DDX46: variants seen among roughly 807,000 people sequenced by gnomAD.
DDX46 encodes DEAD-box helicase 46.
Under a neutral mutation model 134.9 loss-of-function variants are expected in DDX46, and 30 were observed. The ratio of observed to expected loss-of-function variants is 0.22; its 90% CI spans 0.17 to 0.30. The LOEUF is 0.30. Ranked by LOEUF, DDX46 falls within the 10% of genes least tolerant of loss-of-function variation. DDX46 has a pLI of 1.00. For synonymous variants in DDX46, 415 were observed against 404.1 expected (o/e 1.03, Z -0.32); for missense variants, 622 against 1,248.7 (o/e 0.50, Z 7.56).
In DDX46 at chr5:134,764,052, G is replaced by A; in HGVS notation, c.166G>A (p.Asp56Asn). The change falls in exon 2 of 23, where the codon GAT (aspartate) becomes AAT (asparagine). Residue 56 changes from aspartate (D) to asparagine (N), a missense_variant. Asp to Asn is a conservative substitution (Grantham distance 23). Coordinates refer to ENST00000452510, the MANE Select transcript of DDX46 (RefSeq NM_001300860.2). Reference protein sequence around the residue: ...DRRRERSRSRDKRRSRSRDRK... With the variant: ...DRRRERSRSRNKRRSRSRDRK... ...GAGGAGAGAGAGGTCTCGTAGCAGG[G>A]ATAAAAGAAGATCTCGGTCAAGGGA... 1 of 1,613,772 alleles carries A rather than the reference G, an allele frequency of 6.2e-7. No individual in the cohort carries two copies.
At position 134,817,730 on chromosome 5, in the gene DDX46, A is replaced by T. The variant is rs746460334; in HGVS notation, c.2832+16A>T. On this transcript the variant is annotated intron_variant, in intron 20 of 22. Coordinates refer to ENST00000452510, the MANE Select transcript of DDX46 (RefSeq NM_001300860.2). Reference sequence around the variant, plus strand: ...CTTCCCACAGGCAAGTAACAGGTTTAAACCTTTTTTTATTGTGAAGTAGCA... The same window carrying T: ...CTTCCCACAGGCAAGTAACAGGTTTTAACCTTTTTTTATTGTGAAGTAGCA... 4 of 1,603,756 alleles carry T rather than the reference A, an allele frequency of 2.5e-6. No individual in the cohort carries two copies. The highest frequency in any genetic ancestry group is 3.4e-6 in the Non-Finnish European group (4 of 1,175,170).
intron 1 of DDX46, among the ~76,000 whole-genome samples, chr5:134,762,168 T>G (rs779203329): frequency 9.2e-5 from 14 of 151,440 alleles, no homozygotes; most frequent in Non-Finnish European, 1.3e-4. Flanking sequence ...TCCCAGCTAC[T>G]TGGGAGGCTG....
rs140901569 is a variant in DDX46 at position 134,786,713 on chromosome 5, C to T, written c.1464+1127C>T. ...CACAGAAATTAGCCTGGCTTGGTGG[C>T]GCCTGCCTGTAATATCAGCTACTCG... On this transcript the variant is annotated intron_variant, in intron 11 of 22. Transcript: ENST00000452510. Among the ~76,000 whole-genome samples, 188 of 152,202 alleles carry T rather than the reference C, an allele frequency of 1.2e-3. 1 individual carries two copies. The highest frequency in any genetic ancestry group is 3.5e-3 in the African/African-American group (145 of 41,522).
At chr5:134,794,807 A>C in intron 13 of DDX46, 43 bp from the exon 14 acceptor site, 1 of 1,604,544 alleles carries the variant, frequency 6.2e-7, no homozygotes. Flanking sequence ...AGCTTTGAAG[A>C]CCATATTTAC....
intron 6 of DDX46, among the ~76,000 whole-genome samples, chr5:134,778,270 G>A (rs1374407903): frequency 6.6e-6 from 1 of 151,836 alleles, no homozygotes; most frequent in African/African-American, 2.4e-5. Flanking sequence ...CACCTGCCTC[G>A]GCCTCCCAAA....
intron 6 of DDX46, among the ~76,000 whole-genome samples, chr5:134,779,616 A>G (rs1754069044): frequency 6.6e-6 from 1 of 152,156 alleles, no homozygotes. Context: ...GTTCTGCTTC[A>G]ACCTTCTTAG....
At chr5:134,813,079 C>T (rs1324884411) in intron 18 of DDX46, among the ~76,000 whole-genome samples, 3 of 151,912 alleles carry the variant, frequency 2.0e-5, no homozygotes, top group African/African-American at 2.4e-5. Flanking sequence ...GTAACTGGAA[C>T]GACAGGCACG....
intron 15 of DDX46, among the ~76,000 whole-genome samples, chr5:134,807,400 C>T (rs1254743336): frequency 6.6e-6 from 1 of 152,088 alleles, no homozygotes; most frequent in Non-Finnish European, 1.5e-5. Flanking sequence ...CTCTAAATAA[C>T]CTACAGGGAA....
intron 22 of DDX46, 59 bp from the exon 23 acceptor site, chr5:134,828,600 T>C: frequency 8.0e-7 from 1 of 1,242,596 alleles, no homozygotes; most frequent in Non-Finnish European, 1.1e-6. Context: ...GTTCGTTTTT[T>C]TTTTTTGTTT....
chr5:134,807,447 T>A (rs1006271520), intron 15 of DDX46, among the ~76,000 whole-genome samples: 1 of 152,168 alleles, frequency 6.6e-6, no homozygotes, highest in African/African-American at 2.4e-5. Flanking sequence ...ATAGGCTGAA[T>A]GTTTCTGCCT....
At chr5:134,761,090 A>G (rs568241306) in intron 1 of DDX46, among the ~76,000 whole-genome samples, 13 of 152,066 alleles carry the variant, frequency 8.5e-5, no homozygotes, top group Non-Finnish European at 1.5e-4. Flanking sequence ...CATTGAAACA[A>G]TCTTGGCTCA....
Position 134,816,465 on chromosome 5 carries a change from G to A in DDX46, c.2472G>A (p.Lys824=). ...DEQIESMFNS[K]KRVKDMAAPG... ...AAATTGAAAGCATGTTTAATTCAAA[G>A]AAGAGAGTAAAGGATATGGCTGCTC... Residue 824 remains lysine (K), a synonymous_variant, in exon 19 of 23, where the codon AAG becomes AAA. Transcript: ENST00000452510. The A allele has an allele frequency of 6.2e-7, 1 of 1,610,794 alleles. No individual in the cohort carries two copies. The highest frequency in any genetic ancestry group is 8.5e-7 in the Non-Finnish European group (1 of 1,178,720).
Position 134,817,988 on chromosome 5 carries a change from C to T in DDX46, c.2832+274C>T, listed in dbSNP as rs1222899916. On this transcript the variant is annotated intron_variant, in intron 20 of 22. Transcript: ENST00000452510. ...TTTTGAGACAGACTTTTGCTCTTAT[C>T]GCCTAGGCTGGGGTACAATGGTGCG... is the stretch of plus-strand genomic sequence containing the variant. Among the ~76,000 whole-genome samples, 6 of 144,848 alleles carry T rather than the reference C, an allele frequency of 4.1e-5. No homozygotes were observed. The East Asian group carries it at 1.0e-3, about 25-fold the overall frequency.
intron 20 of DDX46, among the ~76,000 whole-genome samples, chr5:134,818,191 T>G (rs1755335992): frequency 6.6e-6 from 1 of 151,684 alleles, no homozygotes; most frequent in African/African-American, 2.4e-5. Context: ...ACTCCCGACC[T>G]CAGGTCATCT....
chr5:134,775,518 T>G (rs1753907101), intron 5 of DDX46, among the ~76,000 whole-genome samples: 1 of 151,936 alleles, frequency 6.6e-6, no homozygotes, highest in East Asian at 1.9e-4. Flanking sequence ...TTCAAGAAAT[T>G]CTCTGCCTCA....
intron 4 of DDX46, among the ~76,000 whole-genome samples, chr5:134,772,695 G>A (rs1753811383): frequency 6.6e-6 from 1 of 152,128 alleles, no homozygotes; most frequent in Non-Finnish European, 1.5e-5. Context: ...TCGTAGAAAT[G>A]GGGTTTCCCC....
At chr5:134,791,692 G>T (rs1352001844) in intron 13 of DDX46, among the ~76,000 whole-genome samples, 1 of 152,174 alleles carries the variant, frequency 6.6e-6, no homozygotes, top group Non-Finnish European at 1.5e-5. Context: ...ATGGAAAAGG[G>T]ATAAGGCAAA....
At chr5:134,803,162 T>G (rs969099396) in intron 15 of DDX46, among the ~76,000 whole-genome samples, 1 of 152,008 alleles carries the variant, frequency 6.6e-6, no homozygotes, top group Non-Finnish European at 1.5e-5. Context: ...CCCAGCTAAT[T>G]TTTGTGTTTT....
intron 21 of DDX46, among the ~76,000 whole-genome samples, chr5:134,819,628 C>A (rs1755386209): frequency 6.6e-6 from 1 of 151,914 alleles, no homozygotes; most frequent in Non-Finnish European, 1.5e-5. Flanking sequence ...CTCCTGGGCT[C>A]AAGTGATCCT....
Sources: gnomAD v4.1 joint callset for allele counts (sites outside exome capture counted in the v4.1 genomes callset) on GRCh38, gnomAD v4.1.1 for gene constraint, MANE v1.5 for transcripts, NCBI Gene and HGNC (gene_info 2026-07-23, HGNC 2026-07-21) for gene names.